CARM1: variants seen among roughly 807,000 people sequenced by gnomAD.
The protein encoded by CARM1 is histone-arginine methyltransferase CARM1.
A neutral mutation model predicts 72.7 loss-of-function variants in CARM1; 14 were observed. The observed-to-expected ratio is 0.19, with a 90% confidence interval of 0.13 to 0.30. The LOEUF (loss-of-function observed/expected upper bound fraction) is 0.30. Among genes scored for constraint, CARM1 ranks in the 10% least tolerant of loss-of-function variants. CARM1 has a pLI of 1.00. For synonymous variants in CARM1, 333 were observed against 345.5 expected, an observed-to-expected ratio of 0.96 and a Z score of 0.40; for missense variants, 432 against 833.7, an observed-to-expected ratio of 0.52 and a Z score of 5.93.
At position 10,906,909 on chromosome 19, in the gene CARM1, T is replaced by C. The variant is rs2074109093; in HGVS notation, c.347-1130T>C. ...TATTTTATTTTATTTTATTTTATTTTATTTTATTTTATTTTGAGACAGAGT... is the reference window on the plus strand; with the variant it reads ...TATTTTATTTTATTTTATTTTATTTCATTTTATTTTATTTTGAGACAGAGT... On this transcript the variant is annotated intron_variant, in intron 2 of 15. Coordinates refer to ENST00000327064, the MANE Select transcript of CARM1 (RefSeq NM_199141.2). Among the ~76,000 whole-genome samples, 3 of 149,958 alleles carry C rather than the reference T, an allele frequency of 2.0e-5. No individual in the cohort carries two copies. The Admixed American group carries it at 2.0e-4, about 10-fold the overall frequency.
intron 1 of CARM1, among the ~76,000 whole-genome samples, chr19:10,901,068 A>C (rs1599699007): frequency 7.4e-6 from 1 of 135,950 alleles, no homozygotes. Flanking sequence ...TGCAACCTCC[A>C]CCTCCCTGAT....
At chr19:10,891,838 C>T (rs1346487294) in intron 1 of CARM1, among the ~76,000 whole-genome samples, 26 of 152,224 alleles carry the variant, frequency 1.7e-4, no homozygotes, top group Admixed American at 1.7e-3. Context: ...CACATACAAG[C>T]GCGCACGCAT....
rs375308355 is a variant in CARM1 at position 10,873,329 on chromosome 19, C to T, written c.220+1407C>T. On this transcript the variant is annotated intron_variant, in intron 1 of 15. Transcript: ENST00000327064. ...TTTAAAAAATTTTTTTAGGACCAGG[C>T]GGGGTAGCTCAGCACTTTGGGAGGC... Among the ~76,000 whole-genome samples, 6 of 152,048 alleles carry T rather than the reference C, an allele frequency of 3.9e-5. No individual in the cohort carries two copies. In the East Asian group the frequency reaches 9.7e-4, roughly 25 times the overall value.
chr19:10,896,498 A>G lies in CARM1; in HGVS notation c.221-8453A>G, dbSNP rs2074025054. Among the ~76,000 whole-genome samples the G allele has an allele frequency of 1.3e-5, 2 of 151,792 alleles. No individual in the cohort carries two copies. The highest frequency in any genetic ancestry group is 4.8e-5 in the African/African-American group (2 of 41,296). ...CTTGGCTCCTTCCCTATCCTGTGTG[A>G]CGGTGGGTCTCTCCCCACCCTGCGC... On this transcript the variant is annotated intron_variant, in intron 1 of 15. Transcript: ENST00000327064. The surrounding 1 kb of genome is among the most constrained non-coding windows in gnomAD (Gnocchi z 5.2).
chr19:10,897,533 A>G (rs1223497015), intron 1 of CARM1, among the ~76,000 whole-genome samples: 5 of 152,148 alleles, frequency 3.3e-5, no homozygotes, highest in African/African-American at 1.2e-4. Context: ...CCAGAGCTTC[A>G]TCAGGGCCGA....
chr19:10,891,246 G>A (rs1364044974), intron 1 of CARM1, among the ~76,000 whole-genome samples: 4 of 152,042 alleles, frequency 2.6e-5, no homozygotes, highest in Non-Finnish European at 5.9e-5. Context: ...GGGTGGGTTC[G>A]TCCTCATGGC....
intron 1 of CARM1, among the ~76,000 whole-genome samples, chr19:10,872,980 C>A (rs2073831779): frequency 6.6e-6 from 1 of 152,150 alleles, no homozygotes; most frequent in Admixed American, 6.6e-5. Flanking sequence ...TGGGTTTTCC[C>A]TGCACCTCGA....
rs1416805662 is a variant in CARM1 at position 10,912,157 on chromosome 19, C to T, written c.559-27C>T. ...CCCATCACCGTCGCCTCCTATGTCTCGCTCTCACCTCCCACTCCTCCCTCA... is the reference window on the plus strand; with the variant it reads ...CCCATCACCGTCGCCTCCTATGTCTTGCTCTCACCTCCCACTCCTCCCTCA... On this transcript the variant is annotated intron_variant, in intron 4 of 15. Transcript: ENST00000327064. The surrounding 1 kb of genome is among the most constrained non-coding windows in gnomAD (Gnocchi z 4.5). 5.7e-6 allele frequency: 9 copies of T among 1,569,678 alleles called. No homozygotes were observed. Among genetic ancestry groups the T allele is most frequent in the South Asian group, 4.4e-5 (4 of 90,210 alleles).
At chr19:10,911,099 C>G (rs1245539470) in intron 4 of CARM1, among the ~76,000 whole-genome samples, 1 of 151,986 alleles carries the variant, frequency 6.6e-6, no homozygotes, top group East Asian at 1.9e-4. Flanking sequence ...CCATGTTGCC[C>G]AGGCTGGTCT....
chr19:10,890,795 A>ATATAT (rs1217665879), intron 1 of CARM1, among the ~76,000 whole-genome samples: 5 of 47,458 alleles, frequency 1.1e-4, no homozygotes, highest in African/African-American at 2.2e-4. Flanking sequence ...ATATATATAT[A>ATATAT]TTTTTTTTTT....
intron 1 of CARM1, among the ~76,000 whole-genome samples, chr19:10,902,107 G>A (rs1293919073): frequency 6.6e-6 from 1 of 151,944 alleles, no homozygotes; most frequent in Non-Finnish European, 1.5e-5. Context: ...AGCTGGACGT[G>A]GTGGTGCACA....
chr19:10,886,847 G>T (rs1001900830), intron 1 of CARM1, among the ~76,000 whole-genome samples: 3 of 152,056 alleles, frequency 2.0e-5, no homozygotes, highest in Non-Finnish European at 4.4e-5. Context: ...AAAAAATGGG[G>T]TCTCAATATT....
At chr19:10,879,548 G>A (rs1438731510) in intron 1 of CARM1, among the ~76,000 whole-genome samples, 1 of 152,180 alleles carries the variant, frequency 6.6e-6, no homozygotes, top group African/African-American at 2.4e-5. Flanking sequence ...CTGGCTTGGA[G>A]CACAGGGTCC....
intron 1 of CARM1, among the ~76,000 whole-genome samples, chr19:10,902,768 C>G (rs980953314): frequency 6.6e-6 from 1 of 152,008 alleles, no homozygotes; most frequent in East Asian, 1.9e-4. Context: ...GCCACTACAC[C>G]GACTAATATT....
chr19:10,896,420 A>C lies in CARM1; in HGVS notation c.221-8531A>C, dbSNP rs1346187720. 2.0e-5 allele frequency among the ~76,000 whole-genome samples: 3 copies of C among 151,916 alleles called. No individual in the cohort carries two copies. Among genetic ancestry groups the C allele is most frequent in the Admixed American group, 2.0e-4 (3 of 15,244 alleles). On this transcript the variant is annotated intron_variant, in intron 1 of 15. Transcript: ENST00000327064. The surrounding 1 kb of genome is among the most constrained non-coding windows in gnomAD (Gnocchi z 5.2). ...GGTGGGGAACAGCAGCCAGTCCACC[A>C]AGAGCTGCCCTCTTCCCCATCCCCA...
At chr19:10,921,533 C>T (rs2074249885) in intron 15 of CARM1, 82 bp from the exon 16 acceptor site, 3 of 1,569,128 alleles carry the variant, frequency 1.9e-6, no homozygotes, top group Admixed American at 3.7e-5. Flanking sequence ...GCCCTCTTGC[C>T]TGCCCTTTCT....
chr19:10,882,376 C>T (rs572326972), intron 1 of CARM1, among the ~76,000 whole-genome samples: 24 of 152,180 alleles, frequency 1.6e-4, no homozygotes, highest in African/African-American at 5.3e-4. Context: ...GCAAATGCCT[C>T]AGTGTCCCCG....
At chr19:10,883,393 C>T (rs771976760) in intron 1 of CARM1, among the ~76,000 whole-genome samples, 2 of 152,078 alleles carry the variant, frequency 1.3e-5, no homozygotes, top group Non-Finnish European at 2.9e-5. Context: ...TGTAGTTTAT[C>T]TGTCCCAGGG....
rs772724707 is a variant in CARM1 at position 10,896,605 on chromosome 19, C to T, written c.221-8346C>T. ...AGTCCCTCCACAGCGCCCCTACCCA[C>T]ATCAACCCACGTTTCTTGGAGGTCT... On this transcript the variant is annotated intron_variant, in intron 1 of 15. Coordinates refer to ENST00000327064, the MANE Select transcript of CARM1 (RefSeq NM_199141.2). The surrounding 1 kb of genome is among the most constrained non-coding windows in gnomAD (Gnocchi z 5.2). 7.9e-5 allele frequency among the ~76,000 whole-genome samples: 12 copies of T among 152,196 alleles called. No individual in the cohort carries two copies. Among genetic ancestry groups the T allele is most frequent in the Non-Finnish European group, 1.6e-4 (11 of 68,042 alleles).
Sources: gnomAD v4.1 joint callset for allele counts (sites outside exome capture counted in the v4.1 genomes callset) on GRCh38, gnomAD v4.1.1 for gene constraint, Gnocchi (gnomAD v3.1) non-coding constraint, MANE v1.5 for transcripts, NCBI Gene and HGNC (gene_info 2026-07-23, HGNC 2026-07-21) for gene names.